Variants in ZNF385B observed in about 807,000 individuals in gnomAD.
The protein encoded by ZNF385B is zinc finger protein 533.
A neutral mutation model predicts 39.2 loss-of-function variants in ZNF385B; 23 were observed. The ratio of observed to expected loss-of-function variants is 0.59; its 90% confidence interval spans 0.42 to 0.83. The LOEUF (loss-of-function observed/expected upper bound fraction) is 0.83, where lower values mean the gene tolerates loss of function less well. Among genes scored for constraint, ZNF385B ranks in the 40% least tolerant of loss-of-function variants. The probability of loss-of-function intolerance (pLI) is 0.00; values close to 1 mark genes in which losing one functional copy is unlikely to be tolerated. For missense variants in ZNF385B, 552 were observed against 598.9 expected (o/e 0.92, Z 0.82); for synonymous variants, 205 against 222.6 (o/e 0.92, Z 0.70).
chr2:179,514,634 A>C (rs1261664943), intron 5 of ZNF385B, among the ~76,000 whole-genome samples: 2 of 152,228 alleles, frequency 1.3e-5, no homozygotes, highest in Admixed American at 1.3e-4. Flanking sequence ...GGAAGAAATA[A>C]TATGTATTCA....
intron 3 of ZNF385B, among the ~76,000 whole-genome samples, chr2:179,751,798 A>G (rs1702692708): frequency 6.6e-6 from 1 of 151,930 alleles, no homozygotes; most frequent in Admixed American, 6.6e-5. Flanking sequence ...CATCCAAACT[A>G]CTACTCCACT....
intron 3 of ZNF385B, among the ~76,000 whole-genome samples, chr2:179,764,486 T>C (rs750168842): frequency 3.3e-5 from 5 of 152,274 alleles, no homozygotes; most frequent in South Asian, 2.1e-4. Context: ...TATTATTTGC[T>C]TTCTGTTTTT....
At chr2:179,480,569 C>T (rs2053881617) in intron 6 of ZNF385B, among the ~76,000 whole-genome samples, 2 of 152,150 alleles carry the variant, frequency 1.3e-5, no homozygotes, top group Non-Finnish European at 2.9e-5. Context: ...ACCAGATTTC[C>T]CATCTGGGCA....
intron 3 of ZNF385B, among the ~76,000 whole-genome samples, chr2:179,693,041 C>G (rs1463058422): frequency 6.6e-6 from 1 of 152,246 alleles, no homozygotes; most frequent in Admixed American, 6.5e-5. Flanking sequence ...CACTCAAGAA[C>G]TATTAAATCA....
intron 3 of ZNF385B, among the ~76,000 whole-genome samples, chr2:179,744,972 C>T (rs1702295085): frequency 6.6e-6 from 1 of 151,948 alleles, no homozygotes; most frequent in Non-Finnish European, 1.5e-5. Context: ...AAGGCTACAT[C>T]AAACCTTTCC....
At chr2:179,571,442 A>G (rs1200118723) in intron 3 of ZNF385B, among the ~76,000 whole-genome samples, 2 of 152,200 alleles carry the variant, frequency 1.3e-5, no homozygotes, top group Non-Finnish European at 2.9e-5. Flanking sequence ...GATTACCTCT[A>G]TTCAGCAGAT....
intron 3 of ZNF385B, among the ~76,000 whole-genome samples, chr2:179,608,616 A>G (rs1369215154): frequency 6.6e-6 from 1 of 152,124 alleles, no homozygotes; most frequent in African/African-American, 2.4e-5. Flanking sequence ...GCTCTTTTCT[A>G]GAACAGCGAT....
intron 1 of ZNF385B, among the ~76,000 whole-genome samples, chr2:179,835,916 C>T (rs1292465997): frequency 6.6e-6 from 1 of 152,148 alleles, no homozygotes; most frequent in East Asian, 1.9e-4. Flanking sequence ...ACATGAGATA[C>T]ACCCTCTTCA....
chr2:179,728,393 T>C (rs1293106072), intron 3 of ZNF385B, among the ~76,000 whole-genome samples: 1 of 152,134 alleles, frequency 6.6e-6, no homozygotes, highest in African/African-American at 2.4e-5. Flanking sequence ...ATGAGGACTT[T>C]AACACCCACA....
intron 3 of ZNF385B, among the ~76,000 whole-genome samples, chr2:179,618,184 T>G (rs183381508): frequency 5.9e-5 from 9 of 152,294 alleles, no homozygotes; most frequent in African/African-American, 1.9e-4. Flanking sequence ...AAAAAAACAT[T>G]TTATCTGTTA....
intron 3 of ZNF385B, among the ~76,000 whole-genome samples, chr2:179,711,391 C>T (rs1389935610): frequency 3.3e-5 from 5 of 152,066 alleles, no homozygotes; most frequent in Non-Finnish European, 7.4e-5. Flanking sequence ...CTGCAATGCT[C>T]CTCTTTATAT....
chr2:179,808,202 T>C (rs1031764023), intron 1 of ZNF385B, among the ~76,000 whole-genome samples: 5 of 151,922 alleles, frequency 3.3e-5, no homozygotes, highest in Non-Finnish European at 7.4e-5. Flanking sequence ...CTGGCTAATT[T>C]TTTGTATTTT....
chr2:179,809,041 T>C (rs1706568989), intron 1 of ZNF385B, among the ~76,000 whole-genome samples: 1 of 152,218 alleles, frequency 6.6e-6, no homozygotes, highest in Middle Eastern at 3.2e-3. Flanking sequence ...ACATTCAGGA[T>C]TAATAATTTT....
intron 5 of ZNF385B, among the ~76,000 whole-genome samples, chr2:179,511,405 C>T (rs1370565413): frequency 6.6e-6 from 1 of 151,970 alleles, no homozygotes. Context: ...GCTAAAGAAA[C>T]CAGGAAATTG....
At chr2:179,520,657 G>C (rs772451090) in intron 4 of ZNF385B, among the ~76,000 whole-genome samples, 10 of 152,176 alleles carry the variant, frequency 6.6e-5, no homozygotes, top group Admixed American at 4.6e-4. Context: ...CAGGATGAAA[G>C]AAGCCCACTG....
At chr2:179,619,642 A>T (rs1321456914) in intron 3 of ZNF385B, among the ~76,000 whole-genome samples, 1 of 152,194 alleles carries the variant, frequency 6.6e-6, no homozygotes, top group African/African-American at 2.4e-5. Flanking sequence ...CTAGAATCCT[A>T]TATTTCTCCC....
chr2:179,805,814 C>T (rs1240259792), intron 1 of ZNF385B, among the ~76,000 whole-genome samples: 1 of 152,210 alleles, frequency 6.6e-6, no homozygotes, highest in Non-Finnish European at 1.5e-5. Flanking sequence ...GTAACAAAGG[C>T]AGTGTCATTT....
At chr2:179,852,772 C>T (rs1684282852) in intron 1 of ZNF385B, among the ~76,000 whole-genome samples, 1 of 152,106 alleles carries the variant, frequency 6.6e-6, no homozygotes, top group Non-Finnish European at 1.5e-5. Flanking sequence ...ATTACTGGGT[C>T]CTGCCTCAGA....
chr2:179,562,691 C>G, intron 3 of ZNF385B: 1 of 701,364 alleles, frequency 1.4e-6, no homozygotes, highest in Non-Finnish European at 1.8e-6. Flanking sequence ...GGCTTTCTTT[C>G]ATGTAATTTT....
Sources: gnomAD v4.1 joint callset for allele counts (sites outside exome capture counted in the v4.1 genomes callset) on GRCh38, gnomAD v4.1.1 for gene constraint, MANE v1.5 for transcripts, NCBI Gene and HGNC (gene_info 2026-07-23, HGNC 2026-07-21) for gene names.